KCNK2: variants seen among roughly 807,000 people sequenced by gnomAD.
KCNK2 encodes the protein potassium channel subfamily K member 2.
Under a neutral mutation model 40.5 loss-of-function variants are expected in KCNK2, and 21 were observed. The ratio of observed to expected loss-of-function variants is 0.52; its 90% CI spans 0.37 to 0.75. The LOEUF (loss-of-function observed/expected upper bound fraction) is 0.75, where lower values mean the gene tolerates loss of function less well. Ranked by LOEUF, KCNK2 falls within the 30% of genes least tolerant of loss-of-function variation. The pLI is 0.00. For synonymous variants in KCNK2, 191 were observed against 202.2 expected (o/e 0.94, Z 0.47); for missense variants, 399 against 531.6 (o/e 0.75, Z 2.45).
At chr1:215,122,410 A>G (rs1478706531) in intron 2 of KCNK2, among the ~76,000 whole-genome samples, 2 of 152,056 alleles carry the variant, frequency 1.3e-5, no homozygotes, top group Non-Finnish European at 2.9e-5. Flanking sequence ...ATGAAGGGAA[A>G]CCTGCCTTAT....
At chr1:215,187,420 G>C (rs1664485870) in intron 5 of KCNK2, among the ~76,000 whole-genome samples, 1 of 151,968 alleles carries the variant, frequency 6.6e-6, no homozygotes. Flanking sequence ...TTGCCTTCCT[G>C]AGAGCTAAAT....
At chr1:215,119,937 G>T (rs1419573830) in intron 2 of KCNK2, among the ~76,000 whole-genome samples, 1 of 152,120 alleles carries the variant, frequency 6.6e-6, no homozygotes. Context: ...GTCAGTGAGT[G>T]GGAAAGGACA....
At chr1:215,060,070 A>G (rs145418654) in intron 1 of KCNK2, among the ~76,000 whole-genome samples, 88 of 152,198 alleles carry the variant, frequency 5.8e-4, no homozygotes, top group Non-Finnish European at 1.0e-3. Flanking sequence ...TAGTTGTGAT[A>G]TTTGCTCCCT....
intron 5 of KCNK2, among the ~76,000 whole-genome samples, chr1:215,192,316 A>G (rs1664699757): frequency 1.3e-5 from 2 of 152,128 alleles, no homozygotes; most frequent in African/African-American, 4.8e-5. Flanking sequence ...TGAGAGTGGC[A>G]ATTTAAAAAG....
At chr1:215,118,302 T>C (rs987213607) in intron 2 of KCNK2, among the ~76,000 whole-genome samples, 1 of 152,148 alleles carries the variant, frequency 6.6e-6, no homozygotes, top group African/African-American at 2.4e-5. Flanking sequence ...CTGTGTATTA[T>C]TGATGGGTGA....
rs765168645 is a variant in KCNK2, at chr1:215,083,407, G to A, written c.22G>A (p.Glu8Lys). 6 of 1,614,016 alleles carry A rather than the reference G, an allele frequency of 3.7e-6. No individual in the cohort carries two copies. The highest frequency in any genetic ancestry group is 2.2e-5 in the East Asian group (1 of 44,836). ...CCTCATGCTTCCCAGCGCCTCGCGG[G>A]AGAGACCCGGCTATAGAGCAGGAGG... is the stretch of plus-strand genomic sequence containing the variant. MLPSASR[E>K]RPGYRAGVAA... The change falls in exon 1 of 7, where the codon GAG becomes AAG. Residue 8 changes from glutamate to lysine, a missense_variant. Physicochemically the swap from Glu to Lys is moderately conservative, Grantham distance 56. Around this residue, in one of 3 missense-constraint regions of KCNK2, gnomAD observed 279 missense variants for 353.8 expected, o/e 0.79. Transcript: ENST00000444842.
intron 3 of KCNK2, among the ~76,000 whole-genome samples, chr1:215,138,168 C>T (rs551054040): frequency 2.2e-4 from 34 of 152,234 alleles, no homozygotes; most frequent in African/African-American, 3.9e-4. Context: ...AGGGCTCAGA[C>T]GGAAACCACA....
At chr1:215,159,427 G>T (rs1294580201) in intron 3 of KCNK2, among the ~76,000 whole-genome samples, 1 of 152,164 alleles carries the variant, frequency 6.6e-6, no homozygotes, top group Non-Finnish European at 1.5e-5. Flanking sequence ...GGGTGGACAA[G>T]AATTTTACTT....
chr1:215,060,197 A>G (rs1658319946), intron 1 of KCNK2, among the ~76,000 whole-genome samples: 1 of 152,190 alleles, frequency 6.6e-6, no homozygotes, highest in Admixed American at 6.5e-5. Context: ...AGGAGGCTAA[A>G]TGAGCAGGCA....
chr1:215,099,253 G>A (rs1660109500), intron 2 of KCNK2, among the ~76,000 whole-genome samples: 1 of 151,878 alleles, frequency 6.6e-6, no homozygotes, highest in Non-Finnish European at 1.5e-5. Flanking sequence ...ACTTATAAGT[G>A]AGAACATGTT....
intron 2 of KCNK2, among the ~76,000 whole-genome samples, chr1:215,123,307 G>A (rs189759350): frequency 2.6e-5 from 4 of 151,934 alleles, no homozygotes; most frequent in African/African-American, 9.7e-5. Flanking sequence ...AAAACTACCA[G>A]GGGTAGATAT....
chr1:215,022,136 T>TATCTATCTATCTATCTATCTATCTAATC (rs145045839), intron 1 of KCNK2, among the ~76,000 whole-genome samples: 1 of 151,058 alleles, frequency 6.6e-6, no homozygotes, highest in African/African-American at 2.4e-5. Flanking sequence ...TCTAATCATC[T>TATCTATCTATCTATCTATCTATCTAATC]ATCTATCTAA....
chr1:215,038,998 G>A (rs113855371), intron 1 of KCNK2, among the ~76,000 whole-genome samples: 1 of 152,102 alleles, frequency 6.6e-6, no homozygotes, highest in Non-Finnish European at 1.5e-5. Flanking sequence ...AAAAAAGAAT[G>A]AAGATTTCAG....
intron 5 of KCNK2, among the ~76,000 whole-genome samples, chr1:215,181,509 A>G (rs189193896): frequency 6.6e-5 from 10 of 152,230 alleles, no homozygotes; most frequent in Middle Eastern, 3.4e-3. Context: ...AATTATTTTT[A>G]TATGAATAGC....
intron 1 of KCNK2, among the ~76,000 whole-genome samples, chr1:215,062,216 T>C: frequency 6.6e-6 from 1 of 152,126 alleles, no homozygotes; most frequent in Non-Finnish European, 1.5e-5. Flanking sequence ...AAAAACATTA[T>C]ACTGGAAACC....
Position 215,086,683 on chromosome 1 carries a change from T to C in KCNK2, c.357+5T>C. ...GAGCTGGATGAACTCATTCAGGTAA[T>C]GGCATGGGAGGAGTTGTTACTCTGT... On this transcript the variant is annotated splice_donor_5th_base_variant and intron_variant, in intron 2 of 6. Transcript: ENST00000444842. The C allele has an allele frequency of 6.2e-7, 1 of 1,610,248 alleles. No individual in the cohort carries two copies. The highest frequency in any genetic ancestry group is 8.5e-7 in the Non-Finnish European group (1 of 1,177,172).
At chr1:215,138,302 T>C (rs1662019064) in intron 3 of KCNK2, among the ~76,000 whole-genome samples, 1 of 152,204 alleles carries the variant, frequency 6.6e-6, no homozygotes, top group Admixed American at 6.5e-5. Context: ...GTAAATATGA[T>C]ACAAAATGTT....
chr1:215,022,001 A>G (rs1171220943), intron 1 of KCNK2, among the ~76,000 whole-genome samples: 6 of 152,192 alleles, frequency 3.9e-5, no homozygotes, highest in Middle Eastern at 3.4e-3. Flanking sequence ...ATTTTGGCTC[A>G]ACTGTATTGT....
chr1:215,025,074 T>C (rs547667803), intron 1 of KCNK2, among the ~76,000 whole-genome samples: 36 of 152,090 alleles, frequency 2.4e-4, no homozygotes, highest in African/African-American at 7.7e-4. Flanking sequence ...GATGGTTAAG[T>C]GCCAAGGTTT....
Sources: allele counts gnomAD v4.1 joint callset (sites outside exome capture counted in the v4.1 genomes callset), GRCh38; gene constraint gnomAD v4.1.1; regional missense constraint gnomAD v4.1.1; transcripts MANE v1.5; gene names NCBI Gene and HGNC (gene_info 2026-07-23, HGNC 2026-07-21).